The following TSC22D4 variants were observed in gnomAD, a reference collection of about 807,000 sequenced individuals.
TSC22D4 encodes the protein TSC22 domain family member 4.
In TSC22D4, 5 loss-of-function variants were observed where a neutral mutation model predicts 24.9. The ratio of observed to expected loss-of-function variants is 0.20; its 90% confidence interval spans 0.10 to 0.42. The LOEUF (loss-of-function observed/expected upper bound fraction) is 0.42, where lower values mean the gene tolerates loss of function less well. Among genes scored for constraint, TSC22D4 ranks in the 10% least tolerant of loss-of-function variants. The pLI is 1.00. For missense variants in TSC22D4, 469 were observed against 547.9 expected (o/e 0.86, Z 1.44); for synonymous variants, 245 against 243.2 (o/e 1.01, Z -0.07).
intron 3 of TSC22D4, among the ~76,000 whole-genome samples, chr7:100,473,392 A>G (rs942100883): frequency 6.6e-6 from 1 of 152,022 alleles, no homozygotes; most frequent in South Asian, 2.1e-4. Flanking sequence ...TAGGAGAGAA[A>G]GAGGGAGATG....
In TSC22D4 at chr7:100,467,619, G is replaced by A. The variant is rs774679118; in HGVS notation, c.930-19C>T. 1 of 1,613,922 alleles carries A rather than the reference G, an allele frequency of 6.2e-7. No individual in the cohort carries two copies. Among genetic ancestry groups the A allele is most frequent in the Non-Finnish European group, 8.5e-7 (1 of 1,179,856 alleles). ...GGAGCCACTGGAGAGACACAGGAAG[G>A]TGAGGGGAGGAGAGGAGAAGCCTTC... On this transcript the variant is annotated intron_variant, in intron 3 of 4. Transcript: ENST00000300181.
chr7:100,471,793 G>A (rs1799398543), intron 3 of TSC22D4, among the ~76,000 whole-genome samples: 1 of 152,014 alleles, frequency 6.6e-6, no homozygotes. Flanking sequence ...CTGAGTCTCA[G>A]ATACTTCATC....
chr7:100,467,300 G>T, intron 4 of TSC22D4, 132 bp from the exon 5 acceptor site: 2 of 1,041,154 alleles, frequency 1.9e-6, no homozygotes. Flanking sequence ...AGGGACAGGG[G>T]AAAAGGACGA....
At position 100,474,814 on chromosome 7, in the gene TSC22D4, A is replaced by AT. The variant is rs933644999; in HGVS notation, c.763-375dup. Among the ~76,000 whole-genome samples, 2 of 151,812 alleles carry AT rather than the reference A, an allele frequency of 1.3e-5. No individual in the cohort carries two copies. Among genetic ancestry groups the AT allele is most frequent in the African/African-American group, 2.4e-5 (1 of 41,318 alleles). ...CTGCCTTCTTTTATGTTTTATTTTT[A>AT]TTTTTTTGAGACAGTCTCACTCTGT... On this transcript the variant is annotated intron_variant, in intron 2 of 4. Transcript: ENST00000300181. This position sits in a 1 kb window ranked among gnomAD's most constrained non-coding sequence, Gnocchi z 4.3.
intron 4 of TSC22D4, 42 bp from the exon 5 acceptor site, chr7:100,467,210 C>T: frequency 6.3e-7 from 1 of 1,591,778 alleles, no homozygotes; most frequent in Non-Finnish European, 8.6e-7. Context: ...GGGGTGGGTG[C>T]CTCATCCCCT....
intron 2 of TSC22D4, among the ~76,000 whole-genome samples, chr7:100,476,132 C>G (rs1322158099): frequency 6.6e-6 from 1 of 150,896 alleles, no homozygotes; most frequent in Non-Finnish European, 1.5e-5. Context: ...AAGCTGGAGG[C>G]CAAGGGGGTT....
Position 100,466,997 on chromosome 7 carries a change from G to T in TSC22D4, c.1150C>A (p.Arg384=), listed in dbSNP as rs34666277. 3 of 1,599,444 alleles carry T rather than the reference G, an allele frequency of 1.9e-6. No homozygotes were observed. Among genetic ancestry groups the T allele is most frequent in the Non-Finnish European group, 2.6e-6 (3 of 1,173,068 alleles). Residue 384 remains arginine (R), a synonymous_variant, in exon 5 of 5, where the codon CGG becomes AGG. Coordinates refer to ENST00000300181, the MANE Select transcript of TSC22D4 (RefSeq NM_030935.5). ...CCATTGGGCGCAGGGGGCCCAAGCC[G>T]TGGGACCCCCGAGGAGGGCAGCTGA... is the stretch of plus-strand genomic sequence containing the variant. ...LAQLPSSGVP[R]LGPPAPNGPS... is the part of the protein sequence containing the mutation.
At position 100,477,196 on chromosome 7, in the gene TSC22D4, A is replaced by ATT. The variant is rs1563183274; in HGVS notation, c.762+80_762+81insAA. ...TAAAGTGATGGAGAAGGAGGAGGAG[A>ATT]GGGGGGGGAGGAGGAGGAAGGAGGC... On this transcript the variant is annotated intron_variant, in intron 2 of 4. Transcript: ENST00000300181. The surrounding 1 kb of genome is among the most constrained non-coding windows in gnomAD (Gnocchi z 7.8). 1.3e-6 allele frequency: 1 copy of ATT among 770,394 alleles called. No individual in the cohort carries two copies. Among genetic ancestry groups the ATT allele is most frequent in the African/African-American group, 3.0e-5 (1 of 33,662 alleles). The allele number at this position is 770,394 out of a possible 1,614,324, so 47.7% of individuals were successfully genotyped here.
Position 100,466,947 on chromosome 7 carries a change from G to T in TSC22D4, c.*12C>A. ...GGGCAGCCCCAAAGGCACATTGTAA[G>T]GGAAGGGAGGCTCAGACGGAGGGCC... On this transcript the variant is annotated 3_prime_UTR_variant, in exon 5 of 5. Coordinates refer to ENST00000300181, the MANE Select transcript of TSC22D4 (RefSeq NM_030935.5). 6.5e-7 allele frequency: 1 copy of T among 1,536,538 alleles called. No individual in the cohort carries two copies. Among genetic ancestry groups the T allele is most frequent in the South Asian group, 1.2e-5 (1 of 82,696 alleles).
At position 100,477,630 on chromosome 7, in the gene TSC22D4, C is replaced by T. The variant is rs775971482; in HGVS notation, c.409G>A (p.Ala137Thr). 17 of 1,595,448 alleles carry T rather than the reference C, an allele frequency of 1.1e-5. No individual in the cohort carries two copies. Among genetic ancestry groups the T allele is most frequent in the Admixed American group, 1.7e-5 (1 of 58,012 alleles). The change falls in exon 2 of 5, where the codon GCC (alanine) becomes ACC (threonine). Residue 137 changes from alanine to threonine, a missense_variant. By Grantham distance (58) the Ala-to-Thr change is moderately conservative. Transcript: ENST00000300181. This position sits in a 1 kb window ranked among gnomAD's most constrained non-coding sequence, Gnocchi z 7.8. ...RLELASLGLG[A>T]PTPPSGLSQG... ...GACAGGCCTGACGGTGGGGTGGGGGCGCCCAGGCCGAGGCTGGCCAGCTCC... is the reference window on the plus strand; with the variant it reads ...GACAGGCCTGACGGTGGGGTGGGGGTGCCCAGGCCGAGGCTGGCCAGCTCC...
chr7:100,477,226 G>A lies in TSC22D4; in HGVS notation c.762+51C>T. On this transcript the variant is annotated intron_variant, in intron 2 of 4. Transcript: ENST00000300181. The surrounding 1 kb of genome is among the most constrained non-coding windows in gnomAD (Gnocchi z 7.8). ...GGGGAGGAGGAGGAAGGAGGCTCAA[G>A]ATAGAGGTTAGGCCAGGGCTGATGG... 1 of 1,353,060 alleles carries A rather than the reference G, an allele frequency of 7.4e-7. No homozygotes were observed. Among genetic ancestry groups the A allele is most frequent in the Non-Finnish European group, 9.7e-7 (1 of 1,031,862 alleles). 83.8% of individuals were successfully genotyped at this position (1,353,060 alleles called of 1,614,324 possible). A position where few individuals can be genotyped will look rare whatever the true frequency, so the allele number is the denominator to read the frequency against.
chr7:100,469,042 A>T (rs1320671559), intron 3 of TSC22D4, among the ~76,000 whole-genome samples: 1 of 151,800 alleles, frequency 6.6e-6, no homozygotes, highest in African/African-American at 2.4e-5. Context: ...CCTGGCCAAC[A>T]TGGTGAAACC....
chr7:100,473,968 G>C (rs1018026112), intron 3 of TSC22D4: 2 of 320,094 alleles, frequency 6.2e-6, no homozygotes, highest in Non-Finnish European at 1.2e-5. Flanking sequence ...TTCCTGGGTT[G>C]GCCAGATGAT....
At chr7:100,469,295 GT>G (rs1471237336) in intron 3 of TSC22D4, among the ~76,000 whole-genome samples, 2 of 151,998 alleles carry the variant, frequency 1.3e-5, no homozygotes, top group East Asian at 3.9e-4. Context: ...GGAAGCGAGG[GT>G]TTGAGGAGAG....
intron 3 of TSC22D4, among the ~76,000 whole-genome samples, chr7:100,470,488 C>T (rs1003455130): frequency 6.6e-6 from 1 of 152,110 alleles, no homozygotes; most frequent in African/African-American, 2.4e-5. Flanking sequence ...GAGCCTCCGG[C>T]AAAATGGGGT....
At chr7:100,478,350 A>AGAGAGAGGGTGT (rs1228276528) in intron 1 of TSC22D4, 43 bp from the exon 2 acceptor site, 1 of 82,804 alleles carries the variant, frequency 1.2e-5, no homozygotes, top group Non-Finnish European at 2.1e-5. Flanking sequence ...AGAGAGAGAG[A>AGAGAGAGGGTGT]GTGTGTGTGT....
chr7:100,478,350 A>AGAGGGT (rs1228276528), intron 1 of TSC22D4, 43 bp from the exon 2 acceptor site: 3 of 82,806 alleles, frequency 3.6e-5, no homozygotes, highest in East Asian at 3.8e-4. Context: ...AGAGAGAGAG[A>AGAGGGT]GTGTGTGTGT....
chr7:100,469,720 G>A (rs1473261002), intron 3 of TSC22D4, among the ~76,000 whole-genome samples: 3 of 152,292 alleles, frequency 2.0e-5, no homozygotes, highest in South Asian at 4.1e-4. Flanking sequence ...GCCTCAAGGC[G>A]CTGCAGCCCA....
At chr7:100,469,578 T>A (rs1799356549) in intron 3 of TSC22D4, among the ~76,000 whole-genome samples, 1 of 151,826 alleles carries the variant, frequency 6.6e-6, no homozygotes, top group Admixed American at 6.6e-5. Context: ...CAAGGCTCCC[T>A]CTCCCACCCC....
Sources: allele counts gnomAD v4.1 joint callset (sites outside exome capture counted in the v4.1 genomes callset), GRCh38; gene constraint gnomAD v4.1.1; non-coding constraint Gnocchi (gnomAD v3.1); transcripts MANE v1.5; gene names NCBI Gene and HGNC (gene_info 2026-07-23, HGNC 2026-07-21).